The following VAV2 variants were observed in gnomAD, a reference collection of about 807,000 sequenced individuals.
VAV2 encodes vav guanine nucleotide exchange factor 2, also known as guanine nucleotide exchange factor VAV2.
In VAV2, 67 loss-of-function variants were observed where a neutral mutation model predicts 132.5. That is an observed-to-expected ratio of 0.51 (90% CI 0.42 to 0.62). VAV2 has a LOEUF of 0.62. Ranked by LOEUF, VAV2 falls within the 20% of genes least tolerant of loss-of-function variation. VAV2 has a pLI of 0.00. For missense variants in VAV2, 938 were observed against 1,153.6 expected (o/e 0.81, Z 2.71); for synonymous variants, 492 against 443.5 (o/e 1.11, Z -1.37).
chr9:133,849,702 C>T (rs1278547412), intron 3 of VAV2, among the ~76,000 whole-genome samples: 1 of 152,196 alleles, frequency 6.6e-6, no homozygotes, highest in Non-Finnish European at 1.5e-5. Flanking sequence ...GTCCTTCCTG[C>T]CTCTTCCAGC....
intron 2 of VAV2, among the ~76,000 whole-genome samples, chr9:133,904,127 A>G (rs1343220655): frequency 6.6e-6 from 1 of 152,098 alleles, no homozygotes. Context: ...GCCCCAAATC[A>G]CAGATGAGCG....
At chr9:133,979,150 T>C (rs1207936692) in intron 1 of VAV2, among the ~76,000 whole-genome samples, 1 of 152,190 alleles carries the variant, frequency 6.6e-6, no homozygotes, top group Non-Finnish European at 1.5e-5. Flanking sequence ...GGCGAGCTCA[T>C]GGCTCCACCC....
At position 133,897,409 on chromosome 9, in the gene VAV2, A is replaced by T. The variant is rs760402095; in HGVS notation, c.322-35977T>A. On this transcript the variant is annotated intron_variant, in intron 2 of 29. Coordinates refer to ENST00000371850, the MANE Select transcript of VAV2 (RefSeq NM_001134398.2). ...GCCCTGCTCTGCCCCCCTGTAACCC[A>T]CCATCTGGCCCATCCCTCAAGACAT... 7.2e-4 allele frequency among the ~76,000 whole-genome samples: 109 copies of T among 152,166 alleles called. 2 individuals are homozygous for T. Among genetic ancestry groups the T allele is most frequent in the Non-Finnish European group, 5.3e-4 (36 of 67,988 alleles).
At chr9:133,831,708 G>A (rs1416252867) in intron 4 of VAV2, among the ~76,000 whole-genome samples, 1 of 152,218 alleles carries the variant, frequency 6.6e-6, no homozygotes, top group Non-Finnish European at 1.5e-5. Flanking sequence ...AAACGCTGAG[G>A]CATGTTTCTG....
chr9:133,795,750 A>T lies in VAV2; in HGVS notation c.1033-14T>A, dbSNP rs1834685922. On this transcript the variant is annotated splice_polypyrimidine_tract_variant and intron_variant, in intron 11 of 29. Transcript: ENST00000371850. Reference sequence around the variant, plus strand: ...GCTCAGAAGCTCCTGGAAGGGTGAGAAGAGTGTCATGTGTTACCACTCGGG... The same window carrying T: ...GCTCAGAAGCTCCTGGAAGGGTGAGTAGAGTGTCATGTGTTACCACTCGGG... 6.2e-7 allele frequency: 1 copy of T among 1,613,078 alleles called. No homozygotes were observed. The highest frequency in any genetic ancestry group is 1.7e-4 in the Middle Eastern group (1 of 6,056).
chr9:133,828,607 T>C (rs1477289131), intron 4 of VAV2, among the ~76,000 whole-genome samples: 1 of 152,246 alleles, frequency 6.6e-6, no homozygotes, highest in African/African-American at 2.4e-5. Flanking sequence ...AGAAACACTG[T>C]CACTGCAGTG....
At chr9:133,923,343 A>G (rs1414269125) in intron 2 of VAV2, among the ~76,000 whole-genome samples, 1 of 152,230 alleles carries the variant, frequency 6.6e-6, no homozygotes, top group East Asian at 1.9e-4. Flanking sequence ...ACTTCTGGGT[A>G]TATAGCCAGA....
intron 1 of VAV2, among the ~76,000 whole-genome samples, chr9:133,987,699 C>T (rs1842900065): frequency 6.6e-6 from 1 of 152,186 alleles, no homozygotes; most frequent in Admixed American, 6.5e-5. Flanking sequence ...CGGGTGGTAC[C>T]TTAAGGGTGC....
intron 2 of VAV2, among the ~76,000 whole-genome samples, chr9:133,887,135 G>C (rs1318340192): frequency 6.6e-6 from 1 of 152,190 alleles, no homozygotes; most frequent in Non-Finnish European, 1.5e-5. Flanking sequence ...ACCTCCTTTG[G>C]GGCAGGGTGA....
intron 1 of VAV2, among the ~76,000 whole-genome samples, chr9:133,952,860 ATGG>A (rs879478340): frequency 0.24 from 36,775 of 150,266 alleles, 6,120 homozygotes; most frequent in East Asian, 0.34. Flanking sequence ...TGGAGGGAGC[ATGG>A]CCCCCGGGAC....
chr9:133,973,356 G>A (rs145601686), intron 1 of VAV2, among the ~76,000 whole-genome samples: 13 of 152,240 alleles, frequency 8.5e-5, no homozygotes, highest in Non-Finnish European at 1.9e-4. Context: ...CCCACAACCA[G>A]GAAAGAACAG....
At chr9:133,813,112 G>A (rs995721623) in intron 4 of VAV2, among the ~76,000 whole-genome samples, 9 of 152,212 alleles carry the variant, frequency 5.9e-5, no homozygotes, top group Non-Finnish European at 8.8e-5. Context: ...TGTTCCCACA[G>A]GCCCCGTTGG....
At chr9:133,962,565 G>A (rs1050452307) in intron 1 of VAV2, among the ~76,000 whole-genome samples, 2 of 152,058 alleles carry the variant, frequency 1.3e-5, no homozygotes, top group African/African-American at 2.4e-5. Flanking sequence ...ACCCTGGGAC[G>A]CCCACCCAGG....
chr9:133,901,464 G>A (rs1839439343), intron 2 of VAV2, among the ~76,000 whole-genome samples: 1 of 152,244 alleles, frequency 6.6e-6, no homozygotes, highest in African/African-American at 2.4e-5. Context: ...TGGTGGCTCT[G>A]ACCAGGGGAG....
chr9:133,777,352 C>T (rs1335318555), intron 23 of VAV2, 37 bp downstream of exon 23: 2 of 1,609,866 alleles, frequency 1.2e-6, no homozygotes, highest in African/African-American at 2.7e-5. Flanking sequence ...GCACCCAGGC[C>T]ACCGTGCTCC....
At chr9:133,766,025 C>T (rs1005650514) in intron 29 of VAV2, among the ~76,000 whole-genome samples, 1 of 152,040 alleles carries the variant, frequency 6.6e-6, no homozygotes, top group Non-Finnish European at 1.5e-5. Context: ...TCAAAAGAAA[C>T]TGAGAATTCA....
rs1278516890 is a variant in VAV2 at position 133,823,832 on chromosome 9, A to T, written c.449+10440T>A. ...CGAGTTTAACGAGGTATTAAAAATGAAAACCCCTGGAAGTCCCAGGCCATA... is the reference window on the plus strand; with the variant it reads ...CGAGTTTAACGAGGTATTAAAAATGTAAACCCCTGGAAGTCCCAGGCCATA... On this transcript the variant is annotated intron_variant, in intron 4 of 29. Coordinates refer to ENST00000371850, the MANE Select transcript of VAV2 (RefSeq NM_001134398.2). The surrounding 1 kb of genome is among the most constrained non-coding windows in gnomAD (Gnocchi z 5.5). Among the ~76,000 whole-genome samples the T allele has an allele frequency of 6.6e-6, 1 of 152,216 alleles. No homozygotes were observed. Among genetic ancestry groups the T allele is most frequent in the Non-Finnish European group, 1.5e-5 (1 of 68,046 alleles).
At chr9:133,909,276 G>A (rs1235335752) in intron 2 of VAV2, among the ~76,000 whole-genome samples, 1 of 152,152 alleles carries the variant, frequency 6.6e-6, no homozygotes, top group African/African-American at 2.4e-5. Flanking sequence ...GATGTGAGCG[G>A]CCTCCCCCAA....
At chr9:133,812,268 C>A in intron 4 of VAV2, 52 bp from the exon 5 acceptor site, 1 of 1,578,198 alleles carries the variant, frequency 6.3e-7, no homozygotes. Flanking sequence ...GCCACCCTGA[C>A]CGGGGAGCCG....
Sources: allele counts gnomAD v4.1 joint callset (sites outside exome capture counted in the v4.1 genomes callset), GRCh38; gene constraint gnomAD v4.1.1; non-coding constraint Gnocchi (gnomAD v3.1); transcripts MANE v1.5; gene names NCBI Gene and HGNC (gene_info 2026-07-23, HGNC 2026-07-21).